The following GUCA1C variants were observed in gnomAD, a reference collection of about 807,000 sequenced individuals.
GUCA1C encodes the protein guanylyl cyclase-activating protein 3.
A neutral mutation model predicts 16.2 loss-of-function variants in GUCA1C; 15 were observed. The observed-to-expected ratio is 0.93, with a 90% confidence interval of 0.62 to 1.43. The LOEUF (loss-of-function observed/expected upper bound fraction) is 1.43, where lower values mean the gene tolerates loss of function less well. GUCA1C is among the 40% of genes most tolerant of loss of function. The pLI is 0.00. For synonymous variants in GUCA1C, 78 were observed against 85.4 expected (o/e 0.91, Z 0.48); for missense variants, 275 against 244.8 (o/e 1.12, Z -0.82).
upstream of GUCA1C, among the ~76,000 whole-genome samples, chr3:108,954,405 A>G (rs551238363): frequency 3.9e-5 from 6 of 152,324 alleles, no homozygotes; most frequent in South Asian, 1.2e-3. Context: ...ATAAAGGAAC[A>G]TATTGGGCTG....
At chr3:108,954,358 A>T (rs1219125388), upstream of GUCA1C, among the ~76,000 whole-genome samples, 3 of 152,216 alleles carry the variant, frequency 2.0e-5, no homozygotes. Context: ...AAAGAGAATT[A>T]AATAGTAGTA....
At chr3:108,918,100 A>G (rs988741452) in intron 2 of GUCA1C, among the ~76,000 whole-genome samples, 1 of 152,146 alleles carries the variant, frequency 6.6e-6, no homozygotes, top group Admixed American at 6.5e-5. Flanking sequence ...AGACTAGGCA[A>G]TTCTTTCTTG....
At chr3:108,925,946 G>T (rs545396404) in intron 1 of GUCA1C, among the ~76,000 whole-genome samples, 1 of 152,240 alleles carries the variant, frequency 6.6e-6, no homozygotes, top group South Asian at 2.1e-4. Flanking sequence ...AATTAGCCAG[G>T]CATGGTGGCA....
In GUCA1C at chr3:108,953,640, C is replaced by G; in HGVS notation, c.123G>C (p.Lys41Asn). 2 of 1,613,346 alleles carry G rather than the reference C, an allele frequency of 1.2e-6. No individual in the cohort carries two copies. Among genetic ancestry groups the G allele is most frequent in the Non-Finnish European group, 1.7e-6 (2 of 1,179,318 alleles). ...TCAGACCTTGCAGACCCAAAAGTGT[C>G]TTAAATTCATGTAGTGTTTGCAGGC... ...PSGLQTLHEF[K>N]TLLGLQGLNQ... The change falls in exon 1 of 4, where the codon AAG becomes AAC. Residue 41 changes from lysine to asparagine, a missense_variant. Transcript: ENST00000261047.
chr3:108,923,734 C>T (rs1388024164), intron 1 of GUCA1C, among the ~76,000 whole-genome samples: 1 of 151,848 alleles, frequency 6.6e-6, no homozygotes, highest in African/African-American at 2.4e-5. Context: ...TTGAAGATTG[C>T]TTTTGGTACT....
intron 3 of GUCA1C, among the ~76,000 whole-genome samples, chr3:108,914,142 G>C (rs953790186): frequency 2.6e-5 from 4 of 152,160 alleles, no homozygotes. Context: ...AACTATTCTA[G>C]AAACCATAAT....
chr3:108,928,414 A>C (rs1026205254), intron 1 of GUCA1C, among the ~76,000 whole-genome samples: 4 of 152,106 alleles, frequency 2.6e-5, no homozygotes, highest in Non-Finnish European at 5.9e-5. Context: ...ATTCTCTGAC[A>C]ATGTCTTTTG....
chr3:108,950,651 T>A (rs1410805783), intron 1 of GUCA1C, among the ~76,000 whole-genome samples: 2 of 152,222 alleles, frequency 1.3e-5, no homozygotes. Flanking sequence ...AATCTCAGAA[T>A]GTATTTACTT....
chr3:108,945,890 T>C (rs1946839705), intron 1 of GUCA1C, among the ~76,000 whole-genome samples: 1 of 152,244 alleles, frequency 6.6e-6, no homozygotes, highest in Non-Finnish European at 1.5e-5. Flanking sequence ...AATGATATGC[T>C]GGAGCGTATT....
intron 1 of GUCA1C, among the ~76,000 whole-genome samples, chr3:108,927,408 A>G (rs1245037761): frequency 6.8e-6 from 1 of 147,598 alleles, no homozygotes; most frequent in Non-Finnish European, 1.5e-5. Flanking sequence ...AACTTCTTGG[A>G]GGTTCTGTTC....
chr3:108,929,630 T>C (rs1231490265), intron 1 of GUCA1C, among the ~76,000 whole-genome samples: 1 of 152,130 alleles, frequency 6.6e-6, no homozygotes, highest in Admixed American at 6.5e-5. Context: ...ACTACCTTTT[T>C]AGAGAAAATG....
At position 108,927,660 on chromosome 3, in the gene GUCA1C, T is replaced by C. The variant is rs550448491; in HGVS notation, c.205-7075A>G. 7.2e-5 allele frequency among the ~76,000 whole-genome samples: 11 copies of C among 152,328 alleles called. 1 individual carries two copies. In the East Asian group the frequency reaches 2.1e-3, roughly 29 times the overall value. On this transcript the variant is annotated intron_variant, in intron 1 of 3. Coordinates refer to ENST00000261047, the MANE Select transcript of GUCA1C (RefSeq NM_005459.4). ...TCCTTTCATATCCTGTATCTTTAAG[T>C]TGGTCTTCACCTTCCTCTGGTGCTT...
chr3:108,922,532 TCTTG>T (rs1946579746), intron 1 of GUCA1C, among the ~76,000 whole-genome samples: 2 of 152,298 alleles, frequency 1.3e-5, no homozygotes, highest in South Asian at 4.1e-4. Flanking sequence ...TTATGGCCAT[TCTTG>T]CAGGAGTGAG....
intron 1 of GUCA1C, among the ~76,000 whole-genome samples, chr3:108,946,215 C>A (rs538104046): frequency 6.6e-6 from 1 of 152,174 alleles, no homozygotes; most frequent in African/African-American, 2.4e-5. Context: ...CAGTCTCAAC[C>A]GCTCCAGACT....
intron 1 of GUCA1C, among the ~76,000 whole-genome samples, chr3:108,924,339 G>T (rs898267507): frequency 6.6e-6 from 1 of 152,062 alleles, no homozygotes; most frequent in Admixed American, 6.5e-5. Context: ...TTTGCTGAGG[G>T]TTTTAATCAT....
chr3:108,938,122 C>T (rs1015411680), intron 1 of GUCA1C, among the ~76,000 whole-genome samples: 2 of 151,908 alleles, frequency 1.3e-5, no homozygotes, highest in African/African-American at 4.8e-5. Context: ...AGGGATAAAC[C>T]CATTTATTCT....
At chr3:108,922,687 T>C (rs1576547566) in intron 1 of GUCA1C, among the ~76,000 whole-genome samples, 1 of 152,178 alleles carries the variant, frequency 6.6e-6, no homozygotes, top group Non-Finnish European at 1.5e-5. Context: ...TTTATTATTA[T>C]TATACTTTAA....
intron 1 of GUCA1C, among the ~76,000 whole-genome samples, chr3:108,933,467 G>C (rs2107301492): frequency 6.6e-6 from 1 of 152,272 alleles, no homozygotes; most frequent in South Asian, 2.1e-4. Flanking sequence ...GCCCTTAAGG[G>C]AGTTTGGCTC....
chr3:108,944,560 CCCG>C (rs1353066012), intron 1 of GUCA1C, among the ~76,000 whole-genome samples: 3 of 152,142 alleles, frequency 2.0e-5, no homozygotes, highest in Admixed American at 6.5e-5. Flanking sequence ...TCCTGCCCAG[CCCG>C]CCACCACTGG....
Sources: allele counts gnomAD v4.1 joint callset (sites outside exome capture counted in the v4.1 genomes callset), GRCh38; gene constraint gnomAD v4.1.1; transcripts MANE v1.5; gene names NCBI Gene and HGNC (gene_info 2026-07-23, HGNC 2026-07-21).